The following CNTNAP2 variants were observed in gnomAD, a reference collection of about 807,000 sequenced individuals.
The protein encoded by CNTNAP2 is contactin associated protein 2, also known as contactin-associated protein-like 2.
In CNTNAP2, 98 loss-of-function variants were observed where a neutral mutation model predicts 155.2. The ratio of observed to expected loss-of-function variants is 0.63; its 90% CI spans 0.54 to 0.75. The LOEUF (loss-of-function observed/expected upper bound fraction) is 0.75, where lower values mean the gene tolerates loss of function less well. Among genes scored for constraint, CNTNAP2 ranks in the 30% least tolerant of loss-of-function variants. The probability of loss-of-function intolerance (pLI) is 0.00; values close to 1 mark genes in which losing one functional copy is unlikely to be tolerated. For synonymous variants in CNTNAP2, 651 were observed against 631.2 expected, an observed-to-expected ratio of 1.03 and a Z score of -0.47; for missense variants, 1,727 against 1,688.1, an observed-to-expected ratio of 1.02 and a Z score of -0.40.
intron 1 of CNTNAP2, among the ~76,000 whole-genome samples, chr7:146,679,347 C>CCT (rs766029712): frequency 9.4e-6 from 1 of 106,928 alleles, no homozygotes; most frequent in Non-Finnish European, 1.7e-5. Context: ...GATCTTGTTT[C>CCT]TTTTTTTTTT....
intron 1 of CNTNAP2, among the ~76,000 whole-genome samples, chr7:146,466,945 C>G (rs74743352): frequency 0.018 from 2,767 of 152,154 alleles, 49 homozygotes; most frequent in African/African-American, 0.045. Flanking sequence ...TTACACATAC[C>G]TCTTCAGTAA....
At chr7:146,829,912 C>A (rs1049136792) in intron 2 of CNTNAP2, among the ~76,000 whole-genome samples, 2 of 151,954 alleles carry the variant, frequency 1.3e-5, no homozygotes, top group African/African-American at 4.8e-5. Context: ...TGTTTTATAG[C>A]TTATAATTTT....
chr7:147,481,919 G>A (rs1035758493), intron 10 of CNTNAP2, among the ~76,000 whole-genome samples: 9 of 151,908 alleles, frequency 5.9e-5, no homozygotes, highest in South Asian at 2.1e-4. Flanking sequence ...GTTTATTAGC[G>A]CAAGAGTCTG....
intron 15 of CNTNAP2, among the ~76,000 whole-genome samples, chr7:148,027,523 T>G (rs1266814331): frequency 6.6e-6 from 1 of 152,198 alleles, no homozygotes; most frequent in Non-Finnish European, 1.5e-5. Context: ...GTTTATAGGA[T>G]TCATCTGGTC....
intron 1 of CNTNAP2, among the ~76,000 whole-genome samples, chr7:146,142,751 A>G (rs530767081): frequency 2.6e-5 from 4 of 152,294 alleles, no homozygotes; most frequent in Non-Finnish European, 4.4e-5. Context: ...GTTTATGGTA[A>G]GAGAGAGCCA....
At chr7:146,395,926 A>G (rs1181119487) in intron 1 of CNTNAP2, among the ~76,000 whole-genome samples, 2 of 150,502 alleles carry the variant, frequency 1.3e-5, no homozygotes, top group African/African-American at 2.5e-5. Flanking sequence ...AGGCAGATTT[A>G]GGGACCACTA....
chr7:147,186,735 T>C (rs745773599), intron 8 of CNTNAP2, among the ~76,000 whole-genome samples: 3 of 152,068 alleles, frequency 2.0e-5, no homozygotes, highest in Non-Finnish European at 2.9e-5. Flanking sequence ...CGTAGAGATG[T>C]GGAGAGAACC....
intron 9 of CNTNAP2, among the ~76,000 whole-genome samples, chr7:147,306,334 G>A (rs189677115): frequency 3.9e-5 from 6 of 152,306 alleles, no homozygotes; most frequent in African/African-American, 7.2e-5. Context: ...CTAAAAGTTA[G>A]AGGCATTCAA....
intron 13 of CNTNAP2, among the ~76,000 whole-genome samples, chr7:147,802,629 A>C (rs1357727411): frequency 6.6e-6 from 1 of 152,132 alleles, no homozygotes; most frequent in Admixed American, 6.5e-5. Context: ...TACGAAAACC[A>C]GTCAGGCGTG....
At chr7:146,669,840 C>G (rs981902138) in intron 1 of CNTNAP2, among the ~76,000 whole-genome samples, 2 of 68,404 alleles carry the variant, frequency 2.9e-5, no homozygotes, top group African/African-American at 1.2e-4. Context: ...TTTTACTAAG[C>G]AAATTTGGAG....
chr7:148,192,822 GC>G (rs1445921519), intron 18 of CNTNAP2, among the ~76,000 whole-genome samples: 2 of 152,048 alleles, frequency 1.3e-5, no homozygotes, highest in African/African-American at 4.8e-5. Context: ...TCATCCTATT[GC>G]TTTCTTATGA....
At chr7:147,269,249 T>C (rs1052742452) in intron 8 of CNTNAP2, among the ~76,000 whole-genome samples, 2 of 152,192 alleles carry the variant, frequency 1.3e-5, no homozygotes, top group African/African-American at 4.8e-5. Flanking sequence ...ATTTCTTCTT[T>C]TTATGTATCT....
intron 20 of CNTNAP2, among the ~76,000 whole-genome samples, chr7:148,241,533 G>A (rs548399637): frequency 4.3e-4 from 65 of 152,308 alleles, no homozygotes; most frequent in African/African-American, 1.6e-3. Context: ...TGCTGTGGGA[G>A]CACAGAAAAG....
chr7:148,122,606 A>G (rs1163722112), intron 16 of CNTNAP2, among the ~76,000 whole-genome samples: 1 of 152,168 alleles, frequency 6.6e-6, no homozygotes, highest in Non-Finnish European at 1.5e-5. Context: ...CAGGGGGAGC[A>G]TCTGACTCAA....
rs543583078 is a variant in CNTNAP2, at chr7:146,173,135, T to A, written c.97+56162T>A. ...AGAAGTAAATCTGCTCAAAGGATTT[T>A]TAAAAAAAACTGGCATTTTTAGTGA... On this transcript the variant is annotated intron_variant, in intron 1 of 23. Transcript: ENST00000361727. Among the ~76,000 whole-genome samples, 721 of 152,216 alleles carry A rather than the reference T, an allele frequency of 4.7e-3. 3 individuals carry two copies. The highest frequency in any genetic ancestry group is 7.3e-3 in the Non-Finnish European group (497 of 67,998).
At chr7:146,162,145 A>G (rs1169751753) in intron 1 of CNTNAP2, among the ~76,000 whole-genome samples, 1 of 152,234 alleles carries the variant, frequency 6.6e-6, no homozygotes, top group Non-Finnish European at 1.5e-5. Flanking sequence ...TGGCAACAAA[A>G]GACAAAATTG....
intron 10 of CNTNAP2, among the ~76,000 whole-genome samples, chr7:147,453,902 G>A (rs572345436): frequency 5.7e-4 from 86 of 152,170 alleles, no homozygotes; most frequent in African/African-American, 2.0e-3. Context: ...TTCTTCCCAC[G>A]TATCTATATG....
intron 1 of CNTNAP2, among the ~76,000 whole-genome samples, chr7:146,263,021 T>C (rs1799942386): frequency 6.6e-6 from 1 of 152,190 alleles, no homozygotes; most frequent in African/African-American, 2.4e-5. Flanking sequence ...ATTATAGTTT[T>C]GAAAGGGAAA....
chr7:147,831,844 G>A (rs1798550256), intron 13 of CNTNAP2: 1 of 152,058 alleles, frequency 6.6e-6, no homozygotes, highest in South Asian at 2.1e-4. Flanking sequence ...GCACAAGAAT[G>A]ACACATAAAT....
Sources: gnomAD v4.1 joint callset for allele counts (sites outside exome capture counted in the v4.1 genomes callset) on GRCh38, gnomAD v4.1.1 for gene constraint, MANE v1.5 for transcripts, NCBI Gene and HGNC (gene_info 2026-07-23, HGNC 2026-07-21) for gene names.